Variants in CNTNAP2 observed in about 807,000 individuals in gnomAD.
The protein encoded by CNTNAP2 is contactin-associated protein-like 2.
Under a neutral mutation model 155.2 loss-of-function variants are expected in CNTNAP2, and 98 were observed. The ratio of observed to expected loss-of-function variants is 0.63; its 90% CI spans 0.54 to 0.75. CNTNAP2 has a LOEUF of 0.75. CNTNAP2 is among the 30% of genes least tolerant of loss of function. The pLI is 0.00. For missense variants in CNTNAP2, 1,727 were observed against 1,688.1 expected, an observed-to-expected ratio of 1.02 and a Z score of -0.40; for synonymous variants, 651 against 631.2, an observed-to-expected ratio of 1.03 and a Z score of -0.47.
chr7:146,347,090 A>T (rs1040152317), intron 1 of CNTNAP2, among the ~76,000 whole-genome samples: 3 of 146,088 alleles, frequency 2.1e-5, no homozygotes, highest in African/African-American at 7.7e-5. Flanking sequence ...GTGCTTTGGC[A>T]TGTATCAATG....
intron 21 of CNTNAP2, among the ~76,000 whole-genome samples, chr7:148,277,787 G>GAA (rs1383768426): frequency 8.4e-6 from 1 of 119,184 alleles, no homozygotes; most frequent in African/African-American, 3.6e-5. Flanking sequence ...CATTAAGAAA[G>GAA]AAAAAAGAAA....
At chr7:146,555,095 C>G (rs1322503717) in intron 1 of CNTNAP2, among the ~76,000 whole-genome samples, 2 of 152,184 alleles carry the variant, frequency 1.3e-5, no homozygotes, top group Non-Finnish European at 2.9e-5. Flanking sequence ...TCAGCCTCCT[C>G]TATTGCTCAG....
intron 1 of CNTNAP2, among the ~76,000 whole-genome samples, chr7:146,338,887 T>TAA (rs60478252): frequency 0.073 from 11,109 of 151,772 alleles, 699 homozygotes; most frequent in African/African-American, 0.17. Context: ...ATTTTTTTTT[T>TAA]AAAAAAGGTT....
At chr7:146,938,342 ATC>A (rs1796968865) in intron 3 of CNTNAP2, among the ~76,000 whole-genome samples, 1 of 151,170 alleles carries the variant, frequency 6.6e-6, no homozygotes, top group East Asian at 2.0e-4. Flanking sequence ...GTTTATATAT[ATC>A]TCTCTGTATA....
chr7:147,558,102 A>G (rs1799986075), intron 11 of CNTNAP2, among the ~76,000 whole-genome samples: 1 of 152,232 alleles, frequency 6.6e-6, no homozygotes, highest in South Asian at 2.1e-4. Context: ...TGCACATTAT[A>G]AAGTGATGTA....
intron 1 of CNTNAP2, among the ~76,000 whole-genome samples, chr7:146,408,081 A>G (rs529254976): frequency 1.2e-4 from 18 of 152,236 alleles, no homozygotes; most frequent in African/African-American, 4.3e-4. Flanking sequence ...TTACATTCAG[A>G]TTTTCAACTG....
At chr7:147,037,915 G>T (rs1219757344) in intron 3 of CNTNAP2, among the ~76,000 whole-genome samples, 2 of 152,094 alleles carry the variant, frequency 1.3e-5, no homozygotes, top group Non-Finnish European at 2.9e-5. Context: ...GACAATCAAT[G>T]GTTCACGCCT....
Position 146,866,309 on chromosome 7 carries a change from A to G in CNTNAP2, c.402+26405A>G, listed in dbSNP as rs1369557012. 2.6e-5 allele frequency among the ~76,000 whole-genome samples: 4 copies of G among 152,128 alleles called. No individual in the cohort carries two copies. In the East Asian group the frequency reaches 7.7e-4, roughly 29 times the overall value. On this transcript the variant is annotated intron_variant, in intron 3 of 23. Coordinates refer to ENST00000361727, the MANE Select transcript of CNTNAP2 (RefSeq NM_014141.6). ...AATTCCATATAAGCCTTTATAATAA[A>G]ATATTTATCTCATTGTTTTCCAAAA...
At chr7:147,910,672 A>G (rs1005526740) in intron 14 of CNTNAP2, among the ~76,000 whole-genome samples, 2 of 152,204 alleles carry the variant, frequency 1.3e-5, no homozygotes, top group Admixed American at 6.5e-5. Flanking sequence ...CACGTCTTAC[A>G]TGGCTGCAGG....
rs115326325 is a variant in CNTNAP2 at position 146,447,530 on chromosome 7, T to A, written c.98-326741T>A. On this transcript the variant is annotated intron_variant, in intron 1 of 23. Transcript: ENST00000361727. The stretch of plus-strand genomic sequence containing the variant: ...TTATGATGTAACATAGAATATATAC[T>A]GACAAAGACAATATTATTTTCTTTG... Among the ~76,000 whole-genome samples the A allele has an allele frequency of 3.4e-3, 520 of 152,166 alleles. 2 individuals carry two copies. The highest frequency in any genetic ancestry group is 0.027 in the Middle Eastern group (8 of 292).
At chr7:148,313,097 A>G (rs1797623762) in intron 21 of CNTNAP2, among the ~76,000 whole-genome samples, 1 of 151,668 alleles carries the variant, frequency 6.6e-6, no homozygotes, top group Admixed American at 6.6e-5. Context: ...AGTTGGCACC[A>G]GAGTTGGGGA....
intron 1 of CNTNAP2, among the ~76,000 whole-genome samples, chr7:146,574,550 A>T (rs1197221794): frequency 6.6e-6 from 1 of 152,032 alleles, no homozygotes; most frequent in African/African-American, 2.4e-5. Context: ...AAAATGCAAC[A>T]ATTAGCTGGG....
intron 3 of CNTNAP2, among the ~76,000 whole-genome samples, chr7:146,999,174 G>T (rs1798375052): frequency 6.7e-6 from 1 of 149,326 alleles, no homozygotes. Flanking sequence ...ATGTTACCAT[G>T]AGGCTTATGA....
At chr7:146,848,343 C>T (rs540494344) in intron 3 of CNTNAP2, among the ~76,000 whole-genome samples, 1 of 152,222 alleles carries the variant, frequency 6.6e-6, no homozygotes, top group East Asian at 1.9e-4. Context: ...ACAGATTTAT[C>T]GTGAAAAAAG....
At chr7:147,404,912 A>T (rs561093798) in intron 10 of CNTNAP2, among the ~76,000 whole-genome samples, 146 of 152,216 alleles carry the variant, frequency 9.6e-4, no homozygotes, top group African/African-American at 3.3e-3. Flanking sequence ...ATTCTTTTTT[A>T]AAAAAAGGTA....
chr7:147,008,812 C>T (rs1798571714), intron 3 of CNTNAP2, among the ~76,000 whole-genome samples: 2 of 152,028 alleles, frequency 1.3e-5, no homozygotes. Context: ...GACTTTTTCT[C>T]TGTACCTTGT....
chr7:146,804,529 C>A (rs2129192292), intron 2 of CNTNAP2, among the ~76,000 whole-genome samples: 1 of 152,146 alleles, frequency 6.6e-6, no homozygotes, highest in African/African-American at 2.4e-5. Flanking sequence ...GCAAAAGAAA[C>A]AAAAATGCTA....
At chr7:147,772,342 G>A (rs1448396935) in intron 13 of CNTNAP2, among the ~76,000 whole-genome samples, 15 of 149,206 alleles carry the variant, frequency 1.0e-4, no homozygotes, top group East Asian at 4.0e-4. Flanking sequence ...ACTTAAACCC[G>A]GGAGTTGGAG....
chr7:148,212,216 C>G (rs1415334310), intron 18 of CNTNAP2, among the ~76,000 whole-genome samples: 1 of 150,720 alleles, frequency 6.6e-6, no homozygotes, highest in African/African-American at 2.4e-5. Flanking sequence ...TGTTATTATT[C>G]TGGAATGAAT....
Sources: allele counts gnomAD v4.1 joint callset (sites outside exome capture counted in the v4.1 genomes callset), GRCh38; gene constraint gnomAD v4.1.1; transcripts MANE v1.5; gene names NCBI Gene and HGNC (gene_info 2026-07-23, HGNC 2026-07-21).